The following CADM1 variants were observed in gnomAD, a reference collection of about 807,000 sequenced individuals.
CADM1 encodes cell adhesion molecule 1.
CADM1 carries 15 observed loss-of-function variants against 53.1 expected under a neutral mutation model. The observed-to-expected ratio is 0.28, with a 90% CI of 0.19 to 0.44. The LOEUF (loss-of-function observed/expected upper bound fraction) is 0.44. CADM1 is among the 20% of genes least tolerant of loss of function. The pLI, the probability that CADM1 is intolerant of heterozygous loss-of-function variation, is 1.00. For missense variants in CADM1, 434 were observed against 611.3 expected (o/e 0.71, Z 3.06); for synonymous variants, 281 against 243.0 (o/e 1.16, Z -1.45).
At chr11:115,291,289 T>C (rs1426670873) in intron 1 of CADM1, among the ~76,000 whole-genome samples, 1 of 152,200 alleles carries the variant, frequency 6.6e-6, no homozygotes, top group African/African-American at 2.4e-5. Context: ...ACAGATAAGA[T>C]ATAATCACTG....
intron 11 of CADM1, among the ~76,000 whole-genome samples, chr11:115,177,788 C>T (rs188548465): frequency 6.7e-4 from 102 of 152,108 alleles, no homozygotes; most frequent in Admixed American, 3.9e-3. Flanking sequence ...ATGCTTGAGA[C>T]AGGCACTCTG....
intron 5 of CADM1, among the ~76,000 whole-genome samples, chr11:115,221,795 T>C (rs1395147877): frequency 6.6e-6 from 1 of 152,086 alleles, no homozygotes. Flanking sequence ...CCTTCCAGGG[T>C]AGCAGAGAGG....
At chr11:115,312,538 G>C (rs913686385) in intron 1 of CADM1, among the ~76,000 whole-genome samples, 1 of 152,070 alleles carries the variant, frequency 6.6e-6, no homozygotes, top group Non-Finnish European at 1.5e-5. Flanking sequence ...ACTTCATGCC[G>C]TATCAATATT....
intron 1 of CADM1, among the ~76,000 whole-genome samples, chr11:115,378,962 C>T (rs112950178): frequency 6.6e-6 from 1 of 152,298 alleles, no homozygotes; most frequent in Non-Finnish European, 1.5e-5. Context: ...CATCTTCACC[C>T]CTTCAAGCAA....
intron 1 of CADM1, among the ~76,000 whole-genome samples, chr11:115,393,253 A>G (rs1946889511): frequency 6.6e-6 from 1 of 151,880 alleles, no homozygotes; most frequent in African/African-American, 2.4e-5. Context: ...GCATGGTAAT[A>G]TGCATGGAAG....
At chr11:115,480,238 CA>C (rs1388280955) in intron 1 of CADM1, among the ~76,000 whole-genome samples, 4 of 151,964 alleles carry the variant, frequency 2.6e-5, no homozygotes, top group African/African-American at 9.7e-5. Context: ...CAAAACAAAA[CA>C]AAAAACTGGA....
chr11:115,188,788 T>C (rs1939698991), intron 10 of CADM1, among the ~76,000 whole-genome samples: 1 of 152,216 alleles, frequency 6.6e-6, no homozygotes. Context: ...GTTCATCCTT[T>C]CTCAATCAAT....
intron 1 of CADM1, among the ~76,000 whole-genome samples, chr11:115,294,274 T>G (rs1276661478): frequency 6.6e-6 from 1 of 152,174 alleles, no homozygotes; most frequent in Non-Finnish European, 1.5e-5. Context: ...CTAGCACCAC[T>G]GAGAAACACA....
At chr11:115,479,790 T>G (rs1194283577) in intron 1 of CADM1, among the ~76,000 whole-genome samples, 2 of 152,216 alleles carry the variant, frequency 1.3e-5, no homozygotes, top group Non-Finnish European at 2.9e-5. Flanking sequence ...CCAAAAGACA[T>G]TCTATTTTCT....
chr11:115,191,035 A>G (rs1474166423), intron 9 of CADM1, 94 bp from the exon 10 acceptor site: 1 of 999,820 alleles, frequency 1.0e-6, no homozygotes, highest in Non-Finnish European at 1.5e-6. Context: ...TAAAAACATG[A>G]GCCAAATCTC....
chr11:115,296,528 G>A (rs555085196), intron 1 of CADM1, among the ~76,000 whole-genome samples: 1 of 152,176 alleles, frequency 6.6e-6, no homozygotes, highest in African/African-American at 2.4e-5. Flanking sequence ...CTAGAGAGTG[G>A]GTTGTTATAA....
At chr11:115,239,858 T>C (rs868498168) in intron 2 of CADM1, among the ~76,000 whole-genome samples, 3 of 152,176 alleles carry the variant, frequency 2.0e-5, no homozygotes, top group Non-Finnish European at 2.9e-5. Flanking sequence ...GACACTTCTA[T>C]ATGCCAAAGG....
intron 1 of CADM1, among the ~76,000 whole-genome samples, chr11:115,262,638 G>A (rs1021821398): frequency 2.0e-5 from 3 of 152,340 alleles, no homozygotes; most frequent in African/African-American, 7.2e-5. Flanking sequence ...CAAAGCCGTA[G>A]TGGATGCTTA....
chr11:115,428,780 CGTGTGTGTGT>C (rs45437796), intron 1 of CADM1, among the ~76,000 whole-genome samples: 1 of 151,022 alleles, frequency 6.6e-6, no homozygotes, highest in African/African-American at 2.4e-5. Context: ...TGTGTGTGTG[CGTGTGTGTGT>C]GTGTGTGTAC....
At chr11:115,280,005 T>C (rs1157672654) in intron 1 of CADM1, among the ~76,000 whole-genome samples, 1 of 152,208 alleles carries the variant, frequency 6.6e-6, no homozygotes, top group Non-Finnish European at 1.5e-5. Flanking sequence ...ACAGCAGACT[T>C]GGCCGCAATG....
At chr11:115,428,884 T>C (rs763354797) in intron 1 of CADM1, among the ~76,000 whole-genome samples, 6 of 152,160 alleles carry the variant, frequency 3.9e-5, no homozygotes, top group Non-Finnish European at 8.8e-5. Flanking sequence ...AAAAGGTTAC[T>C]GCCTCAAAGG....
At chr11:115,464,402 CGTT>C (rs2135379575) in intron 1 of CADM1, among the ~76,000 whole-genome samples, 1 of 152,272 alleles carries the variant, frequency 6.6e-6, no homozygotes, top group East Asian at 1.9e-4. Flanking sequence ...GTGTACTGCA[CGTT>C]GGAGACATTA....
chr11:115,404,704 T>A (rs769283818), intron 1 of CADM1, among the ~76,000 whole-genome samples: 4 of 151,026 alleles, frequency 2.6e-5, no homozygotes, highest in Admixed American at 6.6e-5. Flanking sequence ...TTCCACATTA[T>A]CAAGAAGGCC....
At position 115,415,805 on chromosome 11, in the gene CADM1, A is replaced by G. The variant is rs527312218; in HGVS notation, c.124+88466T>C. On this transcript the variant is annotated intron_variant, in intron 1 of 11. Coordinates refer to ENST00000331581, the MANE Select transcript of CADM1 (RefSeq NM_001301043.2). The stretch of plus-strand genomic sequence containing the variant: ...GCTCCACTGCACTCCAGCTCAGGCA[A>G]CAGAGTGAGACTGTCTCCAAAAAAA... 2.2e-4 allele frequency among the ~76,000 whole-genome samples: 30 copies of G among 136,162 alleles called. No homozygotes were observed. The South Asian group carries it at 7.1e-3, about 32-fold the overall frequency. The allele number at this position is 136,162 out of a possible 152,430, so 89.3% of individuals were successfully genotyped here. A position where few individuals can be genotyped will look rare whatever the true frequency, so the allele number is the denominator to read the frequency against.
Sources: allele counts gnomAD v4.1 joint callset (sites outside exome capture counted in the v4.1 genomes callset), GRCh38; gene constraint gnomAD v4.1.1; transcripts MANE v1.5; gene names NCBI Gene and HGNC (gene_info 2026-07-23, HGNC 2026-07-21).